Variants in FGF14 observed in about 807,000 individuals in gnomAD.
FGF14 encodes the protein fibroblast growth factor 14.
In FGF14, 5 loss-of-function variants were observed where a neutral mutation model predicts 25.5. The ratio of observed to expected loss-of-function variants is 0.20; its 90% CI spans 0.10 to 0.41. FGF14 has a LOEUF of 0.41. FGF14 is among the 10% of genes least tolerant of loss of function. The probability of loss-of-function intolerance (pLI) is 1.00; values close to 1 mark genes in which losing one functional copy is unlikely to be tolerated. For missense variants in FGF14, 222 were observed against 320.1 expected (o/e 0.69, Z 2.34); for synonymous variants, 138 against 118.3 (o/e 1.17, Z -1.08).
At chr13:102,167,312 CAAAAAAAAAA>C in intron 1 of FGF14, among the ~76,000 whole-genome samples, 1 of 72,754 alleles carries the variant, frequency 1.4e-5, no homozygotes, top group African/African-American at 5.3e-5. Context: ...CACTCCATCT[CAAAAAAAAAA>C]AAAAAAAAAA....
At chr13:101,872,503 A>C (rs2045155364) in intron 2 of FGF14, among the ~76,000 whole-genome samples, 1 of 151,918 alleles carries the variant, frequency 6.6e-6, no homozygotes, top group South Asian at 2.1e-4. Context: ...TTCAGTGCTT[A>C]CATTTTTCAT....
At chr13:102,349,202 T>C (rs2057201790) in intron 1 of FGF14, among the ~76,000 whole-genome samples, 1 of 152,166 alleles carries the variant, frequency 6.6e-6, no homozygotes, top group Non-Finnish European at 1.5e-5. Context: ...ATGATCCAGA[T>C]CAGTTGCCCC....
At chr13:101,786,670 T>G (rs2039847060) in intron 3 of FGF14, among the ~76,000 whole-genome samples, 2 of 152,150 alleles carry the variant, frequency 1.3e-5, no homozygotes. Context: ...TTGATTTCAT[T>G]ACCTCCTTAA....
At chr13:101,752,342 G>A (rs1220002046) in intron 3 of FGF14, among the ~76,000 whole-genome samples, 1 of 152,156 alleles carries the variant, frequency 6.6e-6, no homozygotes, top group Non-Finnish European at 1.5e-5. Flanking sequence ...AGAGAAGAAT[G>A]AAATAGTTAG....
chr13:102,374,724 TTA>T (rs2057996742), intron 1 of FGF14, among the ~76,000 whole-genome samples: 1 of 132,392 alleles, frequency 7.6e-6, no homozygotes, highest in Non-Finnish European at 1.6e-5. Context: ...GTCAGATTCT[TTA>T]GCCTTACTAA....
intron 1 of FGF14, among the ~76,000 whole-genome samples, chr13:102,040,312 A>C (rs184517635): frequency 6.6e-6 from 1 of 152,266 alleles, no homozygotes; most frequent in Admixed American, 6.5e-5. Flanking sequence ...AGGCGGAGCA[A>C]ATAATCATAT....
intron 3 of FGF14, among the ~76,000 whole-genome samples, chr13:101,860,500 G>A (rs1488911218): frequency 6.6e-6 from 1 of 152,104 alleles, no homozygotes; most frequent in Non-Finnish European, 1.5e-5. Flanking sequence ...CAGTTGAAAA[G>A]TCTGATTTGT....
intron 1 of FGF14, among the ~76,000 whole-genome samples, chr13:102,256,489 C>T (rs1274824985): frequency 6.6e-6 from 1 of 151,956 alleles, no homozygotes; most frequent in South Asian, 2.1e-4. Context: ...CAGAGCGAGA[C>T]CCTGTCTCAA....
At chr13:101,804,309 G>A (rs2041073932) in intron 3 of FGF14, among the ~76,000 whole-genome samples, 1 of 152,100 alleles carries the variant, frequency 6.6e-6, no homozygotes, top group Admixed American at 6.6e-5. Context: ...GAATGAAATG[G>A]AGAAACAAAA....
chr13:102,040,614 C>A (rs1288053341), intron 1 of FGF14, among the ~76,000 whole-genome samples: 2 of 152,130 alleles, frequency 1.3e-5, no homozygotes, highest in African/African-American at 2.4e-5. Context: ...TTGGACATGG[C>A]AAATTGGATG....
intron 1 of FGF14, among the ~76,000 whole-genome samples, chr13:102,108,727 A>G (rs937329107): frequency 6.6e-6 from 1 of 152,194 alleles, no homozygotes; most frequent in Admixed American, 6.5e-5. Context: ...AAGTTTTTCC[A>G]TTCTTAAAGG....
intron 1 of FGF14, among the ~76,000 whole-genome samples, chr13:102,194,890 G>A (rs1032941183): frequency 6.6e-6 from 1 of 151,946 alleles, no homozygotes; most frequent in Admixed American, 6.6e-5. Context: ...CACATACAGG[G>A]GTCCTTGATA....
intron 1 of FGF14, among the ~76,000 whole-genome samples, chr13:102,223,056 C>T (rs1328651655): frequency 6.6e-6 from 1 of 152,192 alleles, no homozygotes; most frequent in Non-Finnish European, 1.5e-5. Flanking sequence ...AATATGCTAG[C>T]TTTCACTTTG....
chr13:101,822,412 G>A (rs1030836664), intron 3 of FGF14, among the ~76,000 whole-genome samples: 1 of 151,376 alleles, frequency 6.6e-6, no homozygotes, highest in African/African-American at 2.4e-5. Context: ...CTTGAGATCT[G>A]TTAGTGTGAG....
intron 1 of FGF14, among the ~76,000 whole-genome samples, chr13:102,248,019 T>C (rs1003011847): frequency 2.6e-5 from 4 of 152,088 alleles, no homozygotes; most frequent in Non-Finnish European, 4.4e-5. Context: ...TGTTCTCACT[T>C]AGAAGTGGGA....
intron 3 of FGF14, among the ~76,000 whole-genome samples, chr13:101,746,836 C>T (rs1326091645): frequency 2.6e-5 from 4 of 152,016 alleles, no homozygotes; most frequent in South Asian, 2.1e-4. Context: ...ATTATCATAA[C>T]GCATTCTCTA....
intron 1 of FGF14, among the ~76,000 whole-genome samples, chr13:102,082,874 C>T (rs1413949919): frequency 5.9e-5 from 9 of 151,688 alleles, no homozygotes; most frequent in African/African-American, 2.2e-4. Flanking sequence ...AGGAGAATGG[C>T]GTGAACCCGG....
At chr13:102,149,536 G>T (rs1284949312) in intron 1 of FGF14, among the ~76,000 whole-genome samples, 1 of 152,180 alleles carries the variant, frequency 6.6e-6, no homozygotes, top group Non-Finnish European at 1.5e-5. Context: ...AGTACACCTT[G>T]GAAAACATTA....
chr13:101,871,492 G>A (rs938221939), intron 2 of FGF14, among the ~76,000 whole-genome samples: 8 of 152,066 alleles, frequency 5.3e-5, no homozygotes, highest in African/African-American at 9.7e-5. Context: ...CTGAGTGATC[G>A]AAATATTTTA....
Sources: gnomAD v4.1 joint callset for allele counts (sites outside exome capture counted in the v4.1 genomes callset) on GRCh38, gnomAD v4.1.1 for gene constraint, MANE v1.5 for transcripts, NCBI Gene and HGNC (gene_info 2026-07-23, HGNC 2026-07-21) for gene names.